Variants in ZMPSTE24 observed in about 807,000 individuals in gnomAD.
ZMPSTE24 encodes zinc metallopeptidase STE24.
Under a neutral mutation model 56.7 loss-of-function variants are expected in ZMPSTE24, and 48 were observed. The ratio of observed to expected loss-of-function variants is 0.85; its 90% CI spans 0.67 to 1.08. The LOEUF is 1.08. Ranked by LOEUF, ZMPSTE24 falls within the 50% of genes least tolerant of loss-of-function variation. The probability of loss-of-function intolerance (pLI) is 0.00; values close to 1 mark genes in which losing one functional copy is unlikely to be tolerated. For missense variants in ZMPSTE24, 503 were observed against 548.7 expected, an observed-to-expected ratio of 0.92 and a Z score of 0.83; for synonymous variants, 172 against 195.2, an observed-to-expected ratio of 0.88 and a Z score of 0.99.
Position 40,271,999 on chromosome 1 carries a change from A to G in ZMPSTE24, c.733A>G (p.Ile245Val), listed in dbSNP as rs2124583270. ...KEEIEVMAKS[I>V]DFPLTKVYVV... The stretch of plus-strand genomic sequence containing the variant: ...AGAAATTGAAGTAATGGCAAAGAGT[A>G]TTGACTTTCCTTTGACGAAGGTGTA... The change falls in exon 6 of 10, where the codon ATT (isoleucine) becomes GTT (valine). Residue 245 changes from isoleucine (I) to valine (V), a missense_variant. Transcript: ENST00000372759. 6.2e-7 allele frequency: 1 copy of G among 1,612,648 alleles called. No individual in the cohort carries two copies. Among genetic ancestry groups the G allele is most frequent in the Non-Finnish European group, 8.5e-7 (1 of 1,179,166 alleles).
chr1:40,272,093 T>G lies in ZMPSTE24; in HGVS notation c.769+58T>G, dbSNP rs1340837632. 2.0e-6 allele frequency: 3 copies of G among 1,479,086 alleles called. No individual in the cohort carries two copies. In the Admixed American group the frequency reaches 7.2e-5, roughly 35 times the overall value. The allele number at this position is 1,479,086 out of a possible 1,614,324, so 91.6% of individuals were successfully genotyped here. On this transcript the variant is annotated intron_variant, in intron 6 of 9. Transcript: ENST00000372759. The stretch of plus-strand genomic sequence containing the variant: ...CAAGTGGTTTGTTTTATTTGATACT[T>G]TATTCTTAAAATTTTAATAAAAGAA...
chr1:40,258,493 C>T (rs1253730425), intron 1 of ZMPSTE24, 99 bp downstream of exon 1: 1 of 1,590,156 alleles, frequency 6.3e-7, no homozygotes. Context: ...GGTCCCCGCG[C>T]CAGTCTCGTC....
At chr1:40,292,088 G>T (rs538630802) in intron 9 of ZMPSTE24, among the ~76,000 whole-genome samples, 1 of 152,162 alleles carries the variant, frequency 6.6e-6, no homozygotes, top group African/African-American at 2.4e-5. Flanking sequence ...TGATCCACCT[G>T]CCTCAGCTTC....
chr1:40,274,543 A>G (rs1249859469), intron 6 of ZMPSTE24, among the ~76,000 whole-genome samples: 1 of 152,208 alleles, frequency 6.6e-6, no homozygotes, highest in Non-Finnish European at 1.5e-5. Flanking sequence ...AAGGACCATG[A>G]AGAAGTCCAG....
intron 8 of ZMPSTE24, among the ~76,000 whole-genome samples, chr1:40,289,603 C>T (rs779569666): frequency 2.6e-5 from 4 of 152,136 alleles, no homozygotes; most frequent in Non-Finnish European, 4.4e-5. Flanking sequence ...TGGGTCATCT[C>T]GTTTGGGTCA....
At chr1:40,279,436 A>G (rs139139361) in intron 6 of ZMPSTE24, among the ~76,000 whole-genome samples, 1 of 152,360 alleles carries the variant, frequency 6.6e-6, no homozygotes, top group Admixed American at 6.5e-5. Context: ...AACCATTACA[A>G]TCAACACATT....
chr1:40,283,817 T>A (rs1180222779), intron 7 of ZMPSTE24, among the ~76,000 whole-genome samples: 1 of 152,166 alleles, frequency 6.6e-6, no homozygotes, highest in East Asian at 1.9e-4. Context: ...ACTCGAGTGC[T>A]GGATTTGTTA....
chr1:40,289,673 A>C (rs150933448), intron 8 of ZMPSTE24, among the ~76,000 whole-genome samples: 72 of 152,350 alleles, frequency 4.7e-4, no homozygotes, highest in African/African-American at 1.5e-3. Context: ...CCTAATTTGC[A>C]CAGAAAAAGA....
intron 2 of ZMPSTE24, among the ~76,000 whole-genome samples, chr1:40,264,877 CAAAAAAAAAA>C (rs35889679): frequency 1.9e-5 from 1 of 53,266 alleles, no homozygotes; most frequent in African/African-American, 7.5e-5. Flanking sequence ...GATCCTGTCT[CAAAAAAAAAA>C]AAAAAAAAAA....
Position 40,270,050 on chromosome 1 carries a change from CT to C in ZMPSTE24, c.552del (p.Leu185TyrfsTer21). The C allele has an allele frequency of 6.2e-7, 1 of 1,613,918 alleles. No individual in the cohort carries two copies. Among genetic ancestry groups the C allele is most frequent in the Non-Finnish European group, 8.5e-7 (1 of 1,179,946 alleles). The stretch of plus-strand genomic sequence containing the variant: ...GTGTATTTTGTTGCCTGTGTCTTCA[CT>C]TCTACTTTACATTATTAAAATTGGG... Reference protein sequence around the residue: ...TQCILLPVSSLLLYIIKIGGD... With the variant: ...TQCILLPVSSXLLYIIKIGGD... On this transcript the variant is annotated frameshift_variant, in exon 5 of 10. Transcript: ENST00000372759. LOFTEE classifies it high-confidence loss of function.
At chr1:40,258,831 T>C (rs1352988851) in intron 1 of ZMPSTE24, among the ~76,000 whole-genome samples, 2 of 151,384 alleles carry the variant, frequency 1.3e-5, no homozygotes, top group African/African-American at 4.9e-5. Context: ...AGTGCATATA[T>C]TGTTTCTGCT....
intron 6 of ZMPSTE24, among the ~76,000 whole-genome samples, chr1:40,278,057 A>G (rs1460748778): frequency 6.6e-6 from 1 of 152,064 alleles, no homozygotes; most frequent in East Asian, 1.9e-4. Context: ...CAAAATAAGC[A>G]AACATGTTTG....
Position 40,293,933 on chromosome 1 carries a change from A to G in ZMPSTE24, c.*1264A>G, listed in dbSNP as rs1643864640. 6.6e-6 allele frequency: 1 copy of G among 152,554 alleles called. No individual in the cohort carries two copies. Among genetic ancestry groups the G allele is most frequent in the African/African-American group, 2.4e-5 (1 of 41,466 alleles). The allele number at this position is 152,554 out of a possible 1,614,324, so 9.5% of individuals were successfully genotyped here. On this transcript the variant is annotated 3_prime_UTR_variant, in exon 10 of 10. Transcript: ENST00000372759. ...AACTGTACGCCTTTGGTATCTGACC[A>G]TAAAGTCTTTTGCTCCGCTGACATT...
chr1:40,272,006 T>C lies in ZMPSTE24; in HGVS notation c.740T>C (p.Phe247Ser), dbSNP rs1402933266. ...GAAGTAATGGCAAAGAGTATTGACT[T>C]TCCTTTGACGAAGGTGTATGTTGTG... ...EIEVMAKSID[F>S]PLTKVYVVEG... is the part of the protein sequence containing the mutation. Residue 247 changes from phenylalanine to serine, a missense_variant, in exon 6 of 10, where the codon TTT becomes TCT. By Grantham distance (155) the Phe-to-Ser change is radical (BLOSUM62 -2). Coordinates refer to ENST00000372759, the MANE Select transcript of ZMPSTE24 (RefSeq NM_005857.5). 3.1e-6 allele frequency: 5 copies of C among 1,612,090 alleles called. No individual in the cohort carries two copies. The Admixed American group carries it at 8.4e-5, about 27-fold the overall frequency.
chr1:40,275,517 T>G (rs1475877322), intron 6 of ZMPSTE24, among the ~76,000 whole-genome samples: 3 of 151,212 alleles, frequency 2.0e-5, no homozygotes, highest in African/African-American at 7.3e-5. Context: ...TTTGAGAGGC[T>G]GAGGCAGGTG....
Position 40,282,828 on chromosome 1 carries a change from G to C in ZMPSTE24, c.954+1301G>C, listed in dbSNP as rs373025525. ...ATTTCCCCTACAACCTCTACAAATT[G>C]TAACAACAAAAATGTCTCAGAATAT... is the stretch of plus-strand genomic sequence containing the variant. On this transcript the variant is annotated intron_variant, in intron 7 of 9. Transcript: ENST00000372759. Among the ~76,000 whole-genome samples, 12 of 152,280 alleles carry C rather than the reference G, an allele frequency of 7.9e-5. 1 individual carries two copies. Among genetic ancestry groups the C allele is most frequent in the East Asian group, 3.9e-4 (2 of 5,184 alleles).
At chr1:40,283,356 A>G (rs891727401) in intron 7 of ZMPSTE24, among the ~76,000 whole-genome samples, 2 of 152,066 alleles carry the variant, frequency 1.3e-5, no homozygotes, top group African/African-American at 4.8e-5. Context: ...AAATACAAAA[A>G]TTAGTTGGGC....
intron 6 of ZMPSTE24, 96 bp downstream of exon 6, chr1:40,272,131 T>A: frequency 7.3e-7 from 1 of 1,361,374 alleles, no homozygotes. Flanking sequence ...AATCAGTTTT[T>A]GTTTTTTTCT....
chr1:40,277,964 CAAAAAAAAAA>C (rs35695915), intron 6 of ZMPSTE24, among the ~76,000 whole-genome samples: 1 of 48,328 alleles, frequency 2.1e-5, no homozygotes, highest in Non-Finnish European at 4.0e-5. Context: ...GACTCCATCT[CAAAAAAAAAA>C]AAAAAAAAAA....
Sources: allele counts gnomAD v4.1 joint callset (sites outside exome capture counted in the v4.1 genomes callset), GRCh38; gene constraint gnomAD v4.1.1; transcripts MANE v1.5; gene names NCBI Gene and HGNC (gene_info 2026-07-23, HGNC 2026-07-21).